Variants in RBFOX1 observed in about 807,000 individuals in gnomAD.
The protein encoded by RBFOX1 is RNA binding fox-1 homolog 1, also known as RNA binding protein fox-1 homolog 1.
A neutral mutation model predicts 57.7 loss-of-function variants in RBFOX1; 8 were observed. The ratio of observed to expected loss-of-function variants is 0.14; its 90% CI spans 0.08 to 0.25. The LOEUF is 0.25. Among genes scored for constraint, RBFOX1 ranks in the 10% least tolerant of loss-of-function variants. RBFOX1 has a pLI of 1.00. For synonymous variants in RBFOX1, 326 were observed against 222.4 expected, an observed-to-expected ratio of 1.47 and a Z score of -4.15; for missense variants, 611 against 548.5, an observed-to-expected ratio of 1.11 and a Z score of -1.14.
intron 4 of RBFOX1, among the ~76,000 whole-genome samples, chr16:7,346,245 G>C (rs976787098): frequency 1.3e-5 from 2 of 151,962 alleles, no homozygotes; most frequent in African/African-American, 4.8e-5. Flanking sequence ...CATTTGGTTT[G>C]GTTCCAAGCA....
At chr16:5,730,240 T>C (rs1323690103) in intron 3 of RBFOX1, among the ~76,000 whole-genome samples, 1 of 152,192 alleles carries the variant, frequency 6.6e-6, no homozygotes, top group African/African-American at 2.4e-5. Flanking sequence ...CACAGGTTTA[T>C]TCTCTTTTTT....
rs142129379 is a variant in RBFOX1, at chr16:6,958,242, G to T, written c.-15-93815G>T. Among the ~76,000 whole-genome samples, 1,298 of 152,312 alleles carry T rather than the reference G, an allele frequency of 8.5e-3. 25 individuals are homozygous for T. The highest frequency in any genetic ancestry group is 0.03 in the African/African-American group (1,236 of 41,566). On this transcript the variant is annotated intron_variant, in intron 3 of 15. Coordinates refer to ENST00000550418, the MANE Select transcript of RBFOX1 (RefSeq NM_018723.4). ...TGGCCGTCTTTGCTGAGCCCTGCACGATGCAGCCGTTAGCAGGCTGGGCAA... is the reference window on the plus strand; with the variant it reads ...TGGCCGTCTTTGCTGAGCCCTGCACTATGCAGCCGTTAGCAGGCTGGGCAA...
At chr16:6,988,880 C>T (rs575616232) in intron 3 of RBFOX1, among the ~76,000 whole-genome samples, 2 of 151,776 alleles carry the variant, frequency 1.3e-5, no homozygotes, top group East Asian at 3.9e-4. Flanking sequence ...CAGTGATTCT[C>T]CCTGCCTTAG....
chr16:7,525,416 A>C (rs934662072), intron 5 of RBFOX1, among the ~76,000 whole-genome samples: 13 of 152,260 alleles, frequency 8.5e-5, no homozygotes, highest in African/African-American at 2.9e-4. Flanking sequence ...GCTAGGTACA[A>C]AGATTGCTCT....
chr16:7,514,394 A>G (rs1449835732), intron 4 of RBFOX1, among the ~76,000 whole-genome samples: 2 of 152,166 alleles, frequency 1.3e-5, no homozygotes, highest in Admixed American at 1.3e-4. Flanking sequence ...CTTGGCAAAC[A>G]TTTATAAATG....
chr16:6,373,219 G>C (rs996595505), intron 2 of RBFOX1, among the ~76,000 whole-genome samples: 1 of 151,222 alleles, frequency 6.6e-6, no homozygotes, highest in East Asian at 2.0e-4. Context: ...TGGATAGAAG[G>C]ATAGTTCGTT....
chr16:7,183,702 A>T (rs1258866869), intron 4 of RBFOX1, among the ~76,000 whole-genome samples: 1 of 152,174 alleles, frequency 6.6e-6, no homozygotes, highest in Non-Finnish European at 1.5e-5. Context: ...GGAAGAGTTG[A>T]CTCACACTGA....
intron 2 of RBFOX1, among the ~76,000 whole-genome samples, chr16:6,335,609 C>G (rs933218564): frequency 4.6e-5 from 7 of 151,526 alleles, no homozygotes; most frequent in African/African-American, 1.7e-4. Context: ...GAAACCTCGT[C>G]TCTACTAAAA....
intron 3 of RBFOX1, among the ~76,000 whole-genome samples, chr16:5,788,891 T>A (rs2054598785): frequency 6.6e-6 from 1 of 152,288 alleles, no homozygotes; most frequent in Middle Eastern, 3.4e-3. Flanking sequence ...GCCCCCATCC[T>A]GTTGCACCCC....
intron 1 of RBFOX1, among the ~76,000 whole-genome samples, chr16:5,384,277 A>G (rs899460666): frequency 6.6e-6 from 1 of 152,220 alleles, no homozygotes; most frequent in Non-Finnish European, 1.5e-5. Flanking sequence ...AAGGAAAGTC[A>G]AGGCTTGTAG....
At chr16:6,052,068 C>G (rs1308188998) in intron 1 of RBFOX1, among the ~76,000 whole-genome samples, 1 of 152,142 alleles carries the variant, frequency 6.6e-6, no homozygotes. Context: ...CAAAACAGAA[C>G]AGGAAAGCAA....
intron 1 of RBFOX1, among the ~76,000 whole-genome samples, chr16:6,080,428 T>C (rs1332562061): frequency 6.6e-6 from 1 of 152,206 alleles, no homozygotes; most frequent in Non-Finnish European, 1.5e-5. Flanking sequence ...CCACAGCTCC[T>C]GTTATGCACC....
intron 3 of RBFOX1, among the ~76,000 whole-genome samples, chr16:6,779,247 T>C (rs1006328998): frequency 6.6e-6 from 1 of 152,092 alleles, no homozygotes; most frequent in Non-Finnish European, 1.5e-5. Context: ...AGCTCCCGCA[T>C]TTGTATGAGC....
chr16:6,610,190 A>G (rs1255010712), intron 2 of RBFOX1, among the ~76,000 whole-genome samples: 1 of 152,184 alleles, frequency 6.6e-6, no homozygotes, highest in African/African-American at 2.4e-5. Context: ...AGACTAAATT[A>G]TCATTCTGCT....
intron 2 of RBFOX1, among the ~76,000 whole-genome samples, chr16:6,480,097 T>C (rs2095349442): frequency 2.0e-5 from 3 of 149,762 alleles, no homozygotes; most frequent in African/African-American, 2.5e-5. Context: ...GGGACTGAAA[T>C]TCACAATAGT....
chr16:6,945,932 A>G (rs1052885462), intron 3 of RBFOX1, among the ~76,000 whole-genome samples: 2 of 152,200 alleles, frequency 1.3e-5, no homozygotes, highest in African/African-American at 4.8e-5. Context: ...CTAAGCCCCC[A>G]GGGGCGTTTA....
chr16:6,074,199 C>T (rs1050294258), intron 1 of RBFOX1, among the ~76,000 whole-genome samples: 3 of 152,162 alleles, frequency 2.0e-5, no homozygotes, highest in Non-Finnish European at 4.4e-5. Context: ...CCGCCCGCCT[C>T]AGCCTACCAA....
intron 2 of RBFOX1, among the ~76,000 whole-genome samples, chr16:6,531,667 C>G (rs927755050): frequency 3.9e-5 from 6 of 152,122 alleles, no homozygotes; most frequent in Non-Finnish European, 1.5e-5. Flanking sequence ...TCTAGTAGCC[C>G]TTGTCCTGCC....
chr16:6,623,346 G>A (rs1302146321), intron 2 of RBFOX1, among the ~76,000 whole-genome samples: 1 of 152,060 alleles, frequency 6.6e-6, no homozygotes, highest in East Asian at 1.9e-4. Context: ...GGCCTGAGAA[G>A]GACAGTGAAA....
Sources: allele counts gnomAD v4.1 joint callset (sites outside exome capture counted in the v4.1 genomes callset), GRCh38; gene constraint gnomAD v4.1.1; transcripts MANE v1.5; gene names NCBI Gene and HGNC (gene_info 2026-07-23, HGNC 2026-07-21).